The following ALDH1L1 variants were observed in gnomAD, a reference collection of about 807,000 sequenced individuals.
ALDH1L1 encodes the protein cytosolic 10-formyltetrahydrofolate dehydrogenase.
A neutral mutation model predicts 101.1 loss-of-function variants in ALDH1L1; 68 were observed. The ratio of observed to expected loss-of-function variants is 0.67; its 90% CI spans 0.55 to 0.82. The LOEUF is 0.82. ALDH1L1 is among the 40% of genes least tolerant of loss of function. The probability of loss-of-function intolerance (pLI) is 0.00; values close to 1 mark genes in which losing one functional copy is unlikely to be tolerated. For missense variants in ALDH1L1, 1,087 were observed against 1,172.7 expected (o/e 0.93, Z 1.07); for synonymous variants, 486 against 470.8 (o/e 1.03, Z -0.42).
chr3:126,131,137 C>G (rs1246219319), intron 13 of ALDH1L1, among the ~76,000 whole-genome samples: 1 of 152,364 alleles, frequency 6.6e-6, no homozygotes, highest in African/African-American at 2.4e-5. Flanking sequence ...GTCCCAGAGT[C>G]TCCAGATAAG....
At chr3:126,179,081 C>T (rs2108342582) in intron 1 of ALDH1L1, among the ~76,000 whole-genome samples, 1 of 152,376 alleles carries the variant, frequency 6.6e-6, no homozygotes, top group Middle Eastern at 3.4e-3. Flanking sequence ...ATCAGGCTTG[C>T]CCTTTGGCCC....
chr3:126,133,520 G>A (rs2080357328), intron 12 of ALDH1L1, among the ~76,000 whole-genome samples: 1 of 152,228 alleles, frequency 6.6e-6, no homozygotes, highest in Non-Finnish European at 1.5e-5. Context: ...TGTGTGACAT[G>A]GCTGTGTCAT....
chr3:126,158,656 A>T lies in ALDH1L1; in HGVS notation c.128-17T>A. ...CTTCCAGACCTGTGGGACGGTGGAT[A>T]AGAAACTGGCCCCTCTCCATAACCC... On this transcript the variant is annotated splice_polypyrimidine_tract_variant and intron_variant, in intron 2 of 22. Coordinates refer to ENST00000393434, the MANE Select transcript of ALDH1L1 (RefSeq NM_012190.4). 6.2e-7 allele frequency: 1 copy of T among 1,604,374 alleles called. No individual in the cohort carries two copies.
At position 126,175,373 on chromosome 3, in the gene ALDH1L1, T is replaced by C. The variant is rs1647038814; in HGVS notation, c.-24+5103A>G. On this transcript the variant is annotated intron_variant, in intron 1 of 22. Transcript: ENST00000393434. Reference sequence around the variant, plus strand: ...GAGGAAATTCTCTAATTTTCTTGGGTCAGAATTACCCTGGTACCAAAACCA... The same window carrying C: ...GAGGAAATTCTCTAATTTTCTTGGGCCAGAATTACCCTGGTACCAAAACCA... Among the ~76,000 whole-genome samples, 3 of 152,204 alleles carry C rather than the reference T, an allele frequency of 2.0e-5. 1 individual carries two copies. The South Asian group carries it at 6.2e-4, about 32-fold the overall frequency.
At chr3:126,177,955 A>G (rs961344485) in intron 1 of ALDH1L1, among the ~76,000 whole-genome samples, 7 of 152,230 alleles carry the variant, frequency 4.6e-5, no homozygotes, top group Admixed American at 4.6e-4. Flanking sequence ...AGGCCCAAGA[A>G]TTGCTTGAAC....
At chr3:126,136,099 C>T (rs1226084114) in intron 11 of ALDH1L1, among the ~76,000 whole-genome samples, 2 of 152,234 alleles carry the variant, frequency 1.3e-5, no homozygotes, top group Non-Finnish European at 2.9e-5. Context: ...AAGGGCACCG[C>T]ACTGTCCTGT....
In ALDH1L1 at chr3:126,154,582, G is replaced by A. The variant is rs370724859; in HGVS notation, c.692C>T (p.Pro231Leu). 4.9e-5 allele frequency: 79 copies of A among 1,614,024 alleles called. No homozygotes were observed. The highest frequency in any genetic ancestry group is 1.6e-4 in the Middle Eastern group (1 of 6,084). ...HNWIRGNDKV[P>L]GAWTEACEQK... ...TTCACAGGCCTCTGTCCAGGCTCCC[G>A]GCACCTTGTCGTTCCCGCGGATCCA... Residue 231 changes from proline (P) to leucine (L), a missense_variant, in exon 6 of 23, where the codon CCG becomes CTG. By Grantham distance (98) the Pro-to-Leu change is moderately conservative. Coordinates refer to ENST00000393434, the MANE Select transcript of ALDH1L1 (RefSeq NM_012190.4).
chr3:126,186,303 G>A (rs2081517935), upstream of ALDH1L1, among the ~76,000 whole-genome samples: 1 of 152,226 alleles, frequency 6.6e-6, no homozygotes, highest in African/African-American at 2.4e-5. Context: ...GGAGCAACTG[G>A]GCCTTCTTGG....
At chr3:126,145,327 C>T (rs7429654) in intron 9 of ALDH1L1, among the ~76,000 whole-genome samples, 57,410 of 152,018 alleles carry the variant, frequency 0.38, 10,973 homozygotes, top group Middle Eastern at 0.49. Context: ...AAAAGAAGAA[C>T]TATCATATGA....
upstream of ALDH1L1, among the ~76,000 whole-genome samples, chr3:126,182,006 C>T (rs1414479690): frequency 6.6e-6 from 1 of 152,134 alleles, no homozygotes; most frequent in African/African-American, 2.4e-5. Flanking sequence ...AGAGAACCCC[C>T]ATCATTCTTC....
intron 17 of ALDH1L1, 149 bp from the exon 18 acceptor site, chr3:126,114,805 CTT>C: frequency 1.4e-6 from 1 of 723,834 alleles, no homozygotes; most frequent in Non-Finnish European, 2.5e-6. Context: ...CCCCCCACCC[CTT>C]GCGGCTTCAC....
At chr3:126,156,178 T>A (rs1283140688) in intron 4 of ALDH1L1, 1 of 152,204 alleles carries the variant, frequency 6.6e-6, no homozygotes, top group East Asian at 1.9e-4. Flanking sequence ...GGAACTGAAT[T>A]TTTCAGTATA....
upstream of ALDH1L1, chr3:126,180,971 G>A (rs1429908366): frequency 1.2e-6 from 2 of 1,610,788 alleles, no homozygotes; most frequent in South Asian, 1.1e-5. Context: ...CCTGCCATGT[G>A]CTACGGACAC....
chr3:126,110,773 G>A (rs374083293), intron 19 of ALDH1L1, among the ~76,000 whole-genome samples: 17 of 152,166 alleles, frequency 1.1e-4, no homozygotes, highest in East Asian at 5.8e-4. Flanking sequence ...AGCCAAACCC[G>A]GTTGCTTTTG....
At chr3:126,191,231 T>C (rs780215863) in intron 1 of ALDH1L1, among the ~76,000 whole-genome samples, 7 of 152,212 alleles carry the variant, frequency 4.6e-5, no homozygotes, top group Non-Finnish European at 8.8e-5. Context: ...ATGCTGAATT[T>C]GACTGGAATT....
chr3:126,139,832 T>G (rs1312703841), intron 9 of ALDH1L1, among the ~76,000 whole-genome samples: 1 of 151,802 alleles, frequency 6.6e-6, no homozygotes, highest in Non-Finnish European at 1.5e-5. Flanking sequence ...GAAGGAAAGA[T>G]GAGCAAACTT....
At chr3:126,127,098 G>A (rs1291477593) in intron 14 of ALDH1L1, among the ~76,000 whole-genome samples, 1 of 152,192 alleles carries the variant, frequency 6.6e-6, no homozygotes, top group East Asian at 1.9e-4. Context: ...CCCAGAACCA[G>A]GAGACGAGTT....
chr3:126,166,196 A>AAAC (rs542523971), intron 1 of ALDH1L1, among the ~76,000 whole-genome samples: 35 of 152,284 alleles, frequency 2.3e-4, no homozygotes, highest in African/African-American at 1.9e-4. Context: ...CCAACCAGTC[A>AAAC]AACCTCCCCT....
At chr3:126,180,650 G>A (rs2081459093), upstream of ALDH1L1, 3 of 1,324,804 alleles carry the variant, frequency 2.3e-6, no homozygotes, top group East Asian at 6.2e-5. Flanking sequence ...CGGGGCGGGC[G>A]GAGAGTCAGC....
Sources: gnomAD v4.1 joint callset for allele counts (sites outside exome capture counted in the v4.1 genomes callset) on GRCh38, gnomAD v4.1.1 for gene constraint, MANE v1.5 for transcripts, NCBI Gene and HGNC (gene_info 2026-07-23, HGNC 2026-07-21) for gene names.